The following LCORL variants were observed in gnomAD, a reference collection of about 807,000 sequenced individuals.
The protein encoded by LCORL is ligand dependent nuclear receptor corepressor like, also known as ligand-dependent nuclear receptor corepressor-like protein.
In LCORL, 41 loss-of-function variants were observed where a neutral mutation model predicts 141.8. The observed-to-expected ratio is 0.29, with a 90% CI of 0.23 to 0.38. The LOEUF is 0.38. LCORL is among the 10% of genes least tolerant of loss of function. The pLI is 1.00. For missense variants in LCORL, 1,759 were observed against 2,035.0 expected, an observed-to-expected ratio of 0.86 and a Z score of 2.61; for synonymous variants, 618 against 694.1, an observed-to-expected ratio of 0.89 and a Z score of 1.72.
chr4:18,009,041 T>C (rs557505698), intron 1 of LCORL, among the ~76,000 whole-genome samples: 4 of 152,160 alleles, frequency 2.6e-5, no homozygotes, highest in Admixed American at 2.0e-4. Context: ...GGTAATACAC[T>C]ATGCTCACTG....
chr4:17,909,921 C>T (rs572783654), intron 4 of LCORL, among the ~76,000 whole-genome samples: 1 of 152,062 alleles, frequency 6.6e-6, no homozygotes. Context: ...AATGACATAG[C>T]TTCCACTAAT....
chr4:17,850,435 G>GA (rs1224729153), intron 7 of LCORL, among the ~76,000 whole-genome samples: 2 of 151,406 alleles, frequency 1.3e-5, no homozygotes, highest in African/African-American at 4.9e-5. Context: ...AAATTTACAA[G>GA]AAAAAAACAA....
chr4:17,892,922 T>G (rs924409904), intron 5 of LCORL, among the ~76,000 whole-genome samples: 2 of 152,224 alleles, frequency 1.3e-5, no homozygotes, highest in African/African-American at 4.8e-5. Flanking sequence ...AATATATTAT[T>G]TAAAACATGG....
chr4:17,978,034 C>T (rs1717301500), intron 1 of LCORL, among the ~76,000 whole-genome samples: 1 of 152,044 alleles, frequency 6.6e-6, no homozygotes, highest in African/African-American at 2.4e-5. Flanking sequence ...TTCATGTTAC[C>T]TTTTTAGTCC....
chr4:17,944,985 T>C (rs1213720802), intron 4 of LCORL, among the ~76,000 whole-genome samples: 1 of 152,134 alleles, frequency 6.6e-6, no homozygotes, highest in East Asian at 1.9e-4. Context: ...CAGTTCATAA[T>C]TATATGTAAA....
chr4:17,865,185 G>A (rs1725497553), intron 7 of LCORL, among the ~76,000 whole-genome samples: 1 of 152,104 alleles, frequency 6.6e-6, no homozygotes, highest in African/African-American at 2.4e-5. Context: ...CTCAACGGCA[G>A]TAGAATATAC....
chr4:17,865,853 T>C (rs541064530), intron 7 of LCORL, among the ~76,000 whole-genome samples: 3 of 152,194 alleles, frequency 2.0e-5, no homozygotes, highest in Non-Finnish European at 4.4e-5. Context: ...TGAATCACAA[T>C]GGTCTAAGTG....
intron 7 of LCORL, among the ~76,000 whole-genome samples, chr4:17,860,979 A>G (rs1724938108): frequency 6.6e-6 from 1 of 152,168 alleles, no homozygotes; most frequent in South Asian, 2.1e-4. Flanking sequence ...TGCAGGGTAT[A>G]GCCCCCCTAC....
At chr4:17,958,620 ACTTT>A (rs1291860673) in intron 4 of LCORL, among the ~76,000 whole-genome samples, 1 of 152,036 alleles carries the variant, frequency 6.6e-6, no homozygotes, top group Non-Finnish European at 1.5e-5. Flanking sequence ...ACACAGTAAT[ACTTT>A]AAGTACAAAG....
chr4:17,936,467 T>C (rs1736882721), intron 4 of LCORL, among the ~76,000 whole-genome samples: 1 of 151,776 alleles, frequency 6.6e-6, no homozygotes, highest in East Asian at 1.9e-4. Context: ...ATCTTCCAGA[T>C]CAGTATTTTT....
At chr4:17,965,579 C>T (rs1396137273) in intron 2 of LCORL, among the ~76,000 whole-genome samples, 2 of 152,050 alleles carry the variant, frequency 1.3e-5, no homozygotes, top group African/African-American at 4.8e-5. Flanking sequence ...TGACAAACAT[C>T]AACCTTTCCA....
At chr4:17,998,375 G>T in intron 1 of LCORL, among the ~76,000 whole-genome samples, 1 of 151,302 alleles carries the variant, frequency 6.6e-6, no homozygotes, top group Non-Finnish European at 1.5e-5. Flanking sequence ...AAAGCTCTTT[G>T]GTCTTTTGTA....
At chr4:18,015,728 A>C (rs745883646) in intron 1 of LCORL, among the ~76,000 whole-genome samples, 4 of 151,910 alleles carry the variant, frequency 2.6e-5, no homozygotes, top group African/African-American at 4.8e-5. Flanking sequence ...TGACAAGATG[A>C]GGGAGAAGTT....
At chr4:17,961,811 G>A (rs988751471) in intron 4 of LCORL, 92 bp downstream of exon 4, 31 of 925,366 alleles carry the variant, frequency 3.4e-5, no homozygotes, top group African/African-American at 5.0e-5. Context: ...GTGAAGTAGA[G>A]AGACTGACAT....
intron 7 of LCORL, among the ~76,000 whole-genome samples, chr4:17,867,689 CAAAAGA>C (rs1458832517): frequency 2.0e-5 from 3 of 152,000 alleles, no homozygotes; most frequent in Admixed American, 6.6e-5. Context: ...CCTGATACAT[CAAAAGA>C]AAAAGTATCC....
At chr4:17,948,053 T>C (rs895628953) in intron 4 of LCORL, among the ~76,000 whole-genome samples, 4 of 151,990 alleles carry the variant, frequency 2.6e-5, no homozygotes, top group African/African-American at 4.8e-5. Context: ...GATTTTAGTG[T>C]TGATACTAAG....
At chr4:18,014,815 C>T (rs1724384756) in intron 1 of LCORL, among the ~76,000 whole-genome samples, 1 of 152,176 alleles carries the variant, frequency 6.6e-6, no homozygotes, top group Non-Finnish European at 1.5e-5. Context: ...GCCCCCCATT[C>T]ACATTCTCTT....
intron 3 of LCORL, among the ~76,000 whole-genome samples, chr4:17,962,566 A>G (rs1714042919): frequency 1.3e-5 from 2 of 152,042 alleles, no homozygotes; most frequent in Non-Finnish European, 2.9e-5. Context: ...AGACTTCAAG[A>G]GTAAGTGAAA....
At chr4:17,909,058 T>C in intron 5 of LCORL, 36 bp downstream of exon 5, 1 of 1,524,266 alleles carries the variant, frequency 6.6e-7, no homozygotes, top group Non-Finnish European at 8.8e-7. Flanking sequence ...ATATAAAACA[T>C]CAAATTATAT....
Sources: gnomAD v4.1 joint callset for allele counts (sites outside exome capture counted in the v4.1 genomes callset) on GRCh38, gnomAD v4.1.1 for gene constraint, MANE v1.5 for transcripts, NCBI Gene and HGNC (gene_info 2026-07-23, HGNC 2026-07-21) for gene names.